Variants in CDH18 observed in about 807,000 individuals in gnomAD.
The protein encoded by CDH18 is cadherin-18.
Under a neutral mutation model 67.9 loss-of-function variants are expected in CDH18, and 31 were observed. That is an observed-to-expected ratio of 0.46 (90% CI 0.34 to 0.62). The LOEUF (loss-of-function observed/expected upper bound fraction) is 0.62, where lower values mean the gene tolerates loss of function less well. Among genes scored for constraint, CDH18 ranks in the 20% least tolerant of loss-of-function variants. The pLI is 0.01. For missense variants in CDH18, 890 were observed against 975.5 expected (o/e 0.91, Z 1.17); for synonymous variants, 362 against 347.2 (o/e 1.04, Z -0.48).
chr5:19,871,741 AAG>A (rs1329270163), intron 2 of CDH18, among the ~76,000 whole-genome samples: 5 of 152,114 alleles, frequency 3.3e-5, no homozygotes, highest in African/African-American at 1.2e-4. Context: ...CAGATGGGAA[AAG>A]AGAGGATGCA....
chr5:20,351,160 TTGTGTG>T (rs375375615), intron 1 of CDH18, among the ~76,000 whole-genome samples: 11 of 132,148 alleles, frequency 8.3e-5, no homozygotes, highest in Middle Eastern at 7.4e-3. Context: ...GTAAATGTAT[TTGTGTG>T]TGTGTGTGTG....
intron 2 of CDH18, among the ~76,000 whole-genome samples, chr5:19,971,578 C>T (rs903362812): frequency 1.3e-5 from 2 of 151,854 alleles, no homozygotes; most frequent in Admixed American, 1.3e-4. Context: ...TAAAACATAC[C>T]ATGAAACCTA....
intron 9 of CDH18, among the ~76,000 whole-genome samples, chr5:19,541,488 T>G (rs1351533878): frequency 6.6e-6 from 1 of 152,182 alleles, no homozygotes; most frequent in Non-Finnish European, 1.5e-5. Flanking sequence ...TGTTAGTCTG[T>G]TCTCACACTG....
At chr5:20,129,476 A>G (rs1383893894) in intron 2 of CDH18, among the ~76,000 whole-genome samples, 1 of 152,062 alleles carries the variant, frequency 6.6e-6, no homozygotes, top group Non-Finnish European at 1.5e-5. Flanking sequence ...AAGAAACAAT[A>G]TACTATGCAC....
At chr5:19,735,803 C>A (rs6888928) in intron 4 of CDH18, among the ~76,000 whole-genome samples, 140,234 of 152,206 alleles carry the variant, frequency 0.92, 65,693 homozygotes, top group East Asian at 1. Context: ...ATTGTCTTGC[C>A]TGCCTTTCTA....
chr5:19,750,205 T>C (rs1386556910), intron 3 of CDH18, among the ~76,000 whole-genome samples: 4 of 152,206 alleles, frequency 2.6e-5, no homozygotes, highest in East Asian at 1.9e-4. Flanking sequence ...TGATAACCAC[T>C]GTGAAATAGC....
chr5:20,531,930 A>G, intron 1 of CDH18, among the ~76,000 whole-genome samples: 1 of 152,260 alleles, frequency 6.6e-6, no homozygotes, highest in East Asian at 1.9e-4. Flanking sequence ...AAAGAAAAAA[A>G]TATAGTAAGT....
intron 7 of CDH18, among the ~76,000 whole-genome samples, chr5:19,573,374 G>A (rs894716075): frequency 6.6e-6 from 1 of 151,942 alleles, no homozygotes; most frequent in Admixed American, 6.6e-5. Context: ...CGTCTCCCGG[G>A]TTCAAGCCAT....
At chr5:19,659,138 A>T (rs1039514702) in intron 5 of CDH18, among the ~76,000 whole-genome samples, 17 of 152,178 alleles carry the variant, frequency 1.1e-4, no homozygotes, top group Non-Finnish European at 1.9e-4. Flanking sequence ...AAAATATATT[A>T]ACCTCTGTAT....
At chr5:20,220,557 G>A (rs561717030) in intron 2 of CDH18, among the ~76,000 whole-genome samples, 1 of 152,016 alleles carries the variant, frequency 6.6e-6, no homozygotes, top group Admixed American at 6.6e-5. Context: ...CCAAGACATT[G>A]GACTGGGCAA....
chr5:20,050,097 T>C (rs1741279574), intron 2 of CDH18, among the ~76,000 whole-genome samples: 1 of 151,838 alleles, frequency 6.6e-6, no homozygotes, highest in Non-Finnish European at 1.5e-5. Flanking sequence ...TGGTATGTGA[T>C]CTAATACTTA....
intron 4 of CDH18, among the ~76,000 whole-genome samples, chr5:19,728,360 A>G (rs966195982): frequency 2.0e-5 from 3 of 152,186 alleles, no homozygotes; most frequent in Non-Finnish European, 4.4e-5. Flanking sequence ...AATATTTCCT[A>G]TGGAACACAG....
intron 1 of CDH18, among the ~76,000 whole-genome samples, chr5:20,560,656 C>G (rs1397631608): frequency 1.3e-5 from 2 of 151,998 alleles, no homozygotes; most frequent in African/African-American, 2.4e-5. Flanking sequence ...ACCTTCATGA[C>G]AACTCTTCTA....
chr5:19,933,441 T>C (rs1793921516), intron 2 of CDH18, among the ~76,000 whole-genome samples: 1 of 151,558 alleles, frequency 6.6e-6, no homozygotes, highest in Non-Finnish European at 1.5e-5. Context: ...CTTTACATAT[T>C]TTTACCAGTA....
chr5:19,740,275 T>A (rs1353459114), intron 4 of CDH18, among the ~76,000 whole-genome samples: 1 of 152,132 alleles, frequency 6.6e-6, no homozygotes, highest in East Asian at 1.9e-4. Context: ...TACATTTTCA[T>A]ACAGAAATAT....
At chr5:19,708,236 C>G (rs138447770) in intron 5 of CDH18, among the ~76,000 whole-genome samples, 12 of 152,290 alleles carry the variant, frequency 7.9e-5, no homozygotes, top group African/African-American at 2.9e-4. Flanking sequence ...ATCTTACTGT[C>G]AGGAACTGGA....
chr5:19,688,539 A>G (rs1335896194), intron 5 of CDH18, among the ~76,000 whole-genome samples: 1 of 152,178 alleles, frequency 6.6e-6, no homozygotes, highest in Non-Finnish European at 1.5e-5. Context: ...CTTTATAAAA[A>G]AGTCTTCCTC....
intron 2 of CDH18, among the ~76,000 whole-genome samples, chr5:20,167,813 G>A (rs576534292): frequency 2.6e-5 from 4 of 152,236 alleles, no homozygotes; most frequent in Non-Finnish European, 5.9e-5. Flanking sequence ...ATGGAGCAGG[G>A]GGTAAAAACA....
intron 3 of CDH18, among the ~76,000 whole-genome samples, chr5:19,748,134 G>GAAAAAAAAAAAA (rs1554022366): frequency 6.0e-5 from 4 of 67,136 alleles, no homozygotes; most frequent in South Asian, 5.5e-4. Context: ...AAAAAAAAAA[G>GAAAAAAAAAAAA]AGTACTTTTT....
Sources: gnomAD v4.1 joint callset for allele counts (sites outside exome capture counted in the v4.1 genomes callset) on GRCh38, gnomAD v4.1.1 for gene constraint, MANE v1.5 for transcripts, NCBI Gene and HGNC (gene_info 2026-07-23, HGNC 2026-07-21) for gene names.